The following OGDH variants were observed in gnomAD, a reference collection of about 807,000 sequenced individuals.
OGDH encodes oxoglutarate dehydrogenase, also known as 2-oxoglutarate dehydrogenase complex component E1.
Under a neutral mutation model 116.6 loss-of-function variants are expected in OGDH, and 38 were observed. That is an observed-to-expected ratio of 0.33 (90% confidence interval 0.25 to 0.43). The LOEUF (loss-of-function observed/expected upper bound fraction) is 0.43, where lower values mean the gene tolerates loss of function less well. OGDH is among the 20% of genes least tolerant of loss of function. The probability of loss-of-function intolerance (pLI) is 1.00; values close to 1 mark genes in which losing one functional copy is unlikely to be tolerated. For synonymous variants in OGDH, 488 were observed against 533.3 expected, an observed-to-expected ratio of 0.92 and a Z score of 1.17; for missense variants, 825 against 1,357.2, an observed-to-expected ratio of 0.61 and a Z score of 6.16.
intron 2 of OGDH, among the ~76,000 whole-genome samples, chr7:44,626,775 CA>C (rs1260283197): frequency 1.3e-5 from 2 of 152,104 alleles, no homozygotes; most frequent in East Asian, 1.9e-4. Context: ...TGGGAGTCTC[CA>C]GGGGGCACAG....
intron 4 of OGDH, among the ~76,000 whole-genome samples, chr7:44,654,296 A>G (rs1786588416): frequency 6.6e-6 from 1 of 152,260 alleles, no homozygotes; most frequent in African/African-American, 2.4e-5. Flanking sequence ...TAGGAAATGA[A>G]CGTGAGTTAA....
chr7:44,629,208 A>G (rs1785327504), intron 2 of OGDH, among the ~76,000 whole-genome samples: 1 of 152,084 alleles, frequency 6.6e-6, no homozygotes, highest in Admixed American at 6.5e-5. Flanking sequence ...CTGGGTGTTG[A>G]TCTCATTTTG....
intron 1 of OGDH, among the ~76,000 whole-genome samples, chr7:44,619,567 C>T (rs1214771116): frequency 1.3e-5 from 2 of 152,210 alleles, no homozygotes; most frequent in East Asian, 1.9e-4. Context: ...CATGCACCAG[C>T]ACTTCCTTAG....
chr7:44,696,924 G>C lies in OGDH; in HGVS notation c.1911G>C (p.Arg637=), dbSNP rs757501252. The change falls in exon 15 of 23, where the codon CGG becomes CGC. Residue 637 remains arginine (R), a synonymous_variant. Coordinates refer to ENST00000222673, the MANE Select transcript of OGDH (RefSeq NM_002541.4). ...GCTGTGTCTCTGCAGGGCTGAGCCG[G>C]ATCTTGAAGACTCGTGGGGAAATGG... is the stretch of plus-strand genomic sequence containing the variant. ...ENFTIHGGLS[R]ILKTRGEMVK... The C allele has an allele frequency of 1.4e-5, 23 of 1,611,508 alleles. No individual in the cohort carries two copies. Among genetic ancestry groups the C allele is most frequent in the Non-Finnish European group, 1.9e-5 (22 of 1,178,560 alleles).
rs1350929153 is a variant in OGDH, at chr7:44,652,400, G to A, written c.517+4641G>A. Among the ~76,000 whole-genome samples, 14 of 152,184 alleles carry A rather than the reference G, an allele frequency of 9.2e-5. No individual in the cohort carries two copies. In the South Asian group the frequency reaches 2.3e-3, roughly 25 times the overall value. On this transcript the variant is annotated intron_variant, in intron 4 of 22. Coordinates refer to ENST00000222673, the MANE Select transcript of OGDH (RefSeq NM_002541.4). ...GCTGGGATTACATGTGTGAGCTACCGCACCTGGCCAGAGATAACTTTTTAA... is the reference window on the plus strand; with the variant it reads ...GCTGGGATTACATGTGTGAGCTACCACACCTGGCCAGAGATAACTTTTTAA...
At chr7:44,672,410 C>G (rs997617801) in intron 5 of OGDH, among the ~76,000 whole-genome samples, 5 of 152,142 alleles carry the variant, frequency 3.3e-5, no homozygotes, top group African/African-American at 1.2e-4. Context: ...ACCTAACACT[C>G]TAAGTACTCT....
At chr7:44,635,777 C>G (rs1250888461) in intron 2 of OGDH, among the ~76,000 whole-genome samples, 1 of 151,816 alleles carries the variant, frequency 6.6e-6, no homozygotes, top group African/African-American at 2.4e-5. Flanking sequence ...CGATCTCGGC[C>G]CACTGCAACC....
intron 9 of OGDH, among the ~76,000 whole-genome samples, chr7:44,677,384 C>T (rs1025325922): frequency 4.6e-5 from 7 of 152,136 alleles, no homozygotes; most frequent in African/African-American, 1.2e-4. Context: ...ATAGAAGGCA[C>T]ACCCCTTAGT....
At chr7:44,672,302 G>A (rs1213608465) in intron 5 of OGDH, among the ~76,000 whole-genome samples, 1 of 152,142 alleles carries the variant, frequency 6.6e-6, no homozygotes, top group Non-Finnish European at 1.5e-5. Context: ...AACAGGGCTG[G>A]TCTCAGATTC....
intron 10 of OGDH, among the ~76,000 whole-genome samples, chr7:44,687,335 T>C (rs1788176740): frequency 6.6e-6 from 1 of 151,812 alleles, no homozygotes; most frequent in African/African-American, 2.4e-5. Context: ...TGAGCTCAAG[T>C]GATCCGCCTG....
At chr7:44,634,296 C>A (rs556094692) in intron 2 of OGDH, among the ~76,000 whole-genome samples, 2 of 152,350 alleles carry the variant, frequency 1.3e-5, no homozygotes, top group African/African-American at 4.8e-5. Context: ...CTCCCCACGC[C>A]ATTACCTTGG....
intron 10 of OGDH, among the ~76,000 whole-genome samples, chr7:44,691,981 T>TAAAAAAAAAAA (rs371665967): frequency 4.9e-4 from 50 of 102,604 alleles, no homozygotes; most frequent in African/African-American, 2.0e-3. Flanking sequence ...GACTCTGTCT[T>TAAAAAAAAAAA]AAAAAAAAAA....
chr7:44,675,136 T>C (rs745747441), intron 7 of OGDH, 42 bp from the exon 8 acceptor site: 39 of 1,530,052 alleles, frequency 2.5e-5, no homozygotes, highest in Non-Finnish European at 3.4e-5. Context: ...CTGGAAACCA[T>C]GACCTCAGGC....
intron 5 of OGDH, among the ~76,000 whole-genome samples, chr7:44,668,376 C>T (rs1470458862): frequency 6.6e-6 from 1 of 152,116 alleles, no homozygotes; most frequent in Non-Finnish European, 1.5e-5. Context: ...CGGGAGGTTG[C>T]AGTGAGCGAA....
chr7:44,656,779 G>T (rs1291126437), intron 4 of OGDH, among the ~76,000 whole-genome samples: 1 of 152,162 alleles, frequency 6.6e-6, no homozygotes, highest in Admixed American at 6.5e-5. Context: ...TCCAGATTCT[G>T]CTTCCTGGGC....
chr7:44,607,006 G>T (rs1015146793), intron 1 of OGDH, among the ~76,000 whole-genome samples: 1 of 152,168 alleles, frequency 6.6e-6, no homozygotes, highest in Non-Finnish European at 1.5e-5. Flanking sequence ...CGGTGCGTCC[G>T]CAGGGGTGAC....
chr7:44,703,473 A>T (rs1213533118), intron 20 of OGDH, among the ~76,000 whole-genome samples: 1 of 152,080 alleles, frequency 6.6e-6, no homozygotes, highest in African/African-American at 2.4e-5. Flanking sequence ...TAATCTCAGC[A>T]CTTTGGGAGG....
Position 44,697,283 on chromosome 7 carries a change from G to T in OGDH, c.2052-87G>T. 5.1e-6 allele frequency: 8 copies of T among 1,561,642 alleles called. No homozygotes were observed. The highest frequency in any genetic ancestry group is 7.0e-6 in the Non-Finnish European group (8 of 1,144,360). ...CCAGAAGTCCAGGTCACAGAGCATG[G>T]CATCTGCTGGTGCTTCGTGCGGGTC... On this transcript the variant is annotated intron_variant, in intron 15 of 22. Coordinates refer to ENST00000222673, the MANE Select transcript of OGDH (RefSeq NM_002541.4). This position sits in a 1 kb window ranked among gnomAD's most constrained non-coding sequence, Gnocchi z 6.0.
chr7:44,696,109 C>G lies in OGDH; in HGVS notation c.1753C>G (p.Leu585Val). The stretch of plus-strand genomic sequence containing the variant: ...GAAGATCTTGCACATTAAGCACTGG[C>G]TGGACTCTCCCTGGCCTGGTGAGTG... ...DEKILHIKHWLDSPWPGFFTL... is the reference protein window; with the variant it reads ...DEKILHIKHWVDSPWPGFFTL... Residue 585 changes from leucine (L) to valine (V), a missense_variant, in exon 13 of 23, where the codon CTG becomes GTG. Physicochemically the swap from Leu to Val is conservative, Grantham distance 32. Around this residue, in one of 7 missense-constraint regions of OGDH, gnomAD observed 92 missense variants for 129.7 expected, o/e 0.71. Coordinates refer to ENST00000222673, the MANE Select transcript of OGDH (RefSeq NM_002541.4). 1 of 1,608,146 alleles carries G rather than the reference C, an allele frequency of 6.2e-7. No homozygotes were observed.
Sources: gnomAD v4.1 joint callset for allele counts (sites outside exome capture counted in the v4.1 genomes callset) on GRCh38, gnomAD v4.1.1 for gene constraint, gnomAD v4.1.1 regional missense constraint, Gnocchi (gnomAD v3.1) non-coding constraint, MANE v1.5 for transcripts, NCBI Gene and HGNC (gene_info 2026-07-23, HGNC 2026-07-21) for gene names.